STRBP: variants seen among roughly 807,000 people sequenced by gnomAD.
STRBP encodes the protein spermatid perinuclear RNA-binding protein.
In STRBP, 13 loss-of-function variants were observed where a neutral mutation model predicts 80.1. The observed-to-expected ratio is 0.16, with a 90% CI of 0.11 to 0.26. The LOEUF (loss-of-function observed/expected upper bound fraction) is 0.26, where lower values mean the gene tolerates loss of function less well. Among genes scored for constraint, STRBP ranks in the 10% least tolerant of loss-of-function variants. The pLI, the probability that STRBP is intolerant of heterozygous loss-of-function variation, is 1.00. For synonymous variants in STRBP, 284 were observed against 291.2 expected, an observed-to-expected ratio of 0.98 and a Z score of 0.25; for missense variants, 485 against 815.2, an observed-to-expected ratio of 0.59 and a Z score of 4.93.
chr9:123,230,298 C>T (rs1252498488), intron 2 of STRBP, among the ~76,000 whole-genome samples: 4 of 152,270 alleles, frequency 2.6e-5, no homozygotes, highest in East Asian at 1.9e-4. Flanking sequence ...TTCCAGTCTC[C>T]GAGCAGCAAC....
intron 2 of STRBP, among the ~76,000 whole-genome samples, chr9:123,204,923 C>CAAA (rs34576355): frequency 3.3e-4 from 18 of 54,498 alleles, no homozygotes; most frequent in African/African-American, 4.3e-4. Flanking sequence ...GACTCCATCT[C>CAAA]AAAAAAAAAA....
intron 3 of STRBP, chr9:123,111,861 C>A (rs141038695): frequency 8.4e-6 from 2 of 237,804 alleles, no homozygotes; most frequent in Non-Finnish European, 1.8e-5. Context: ...CAGCAAAATC[C>A]GAGAGGCACT....
intron 1 of STRBP, among the ~76,000 whole-genome samples, chr9:123,259,720 A>G (rs1352018683): frequency 6.6e-6 from 1 of 151,998 alleles, no homozygotes; most frequent in East Asian, 1.9e-4. Context: ...ACAAAACAAC[A>G]ACAACAACAA....
At chr9:123,215,091 G>C (rs2039851345) in intron 2 of STRBP, among the ~76,000 whole-genome samples, 1 of 151,812 alleles carries the variant, frequency 6.6e-6, no homozygotes, top group South Asian at 2.1e-4. Context: ...TAAAGAGATG[G>C]GCTCTTACTC....
chr9:123,223,598 T>C (rs1171660178), intron 2 of STRBP, among the ~76,000 whole-genome samples: 1 of 152,132 alleles, frequency 6.6e-6, no homozygotes, highest in Non-Finnish European at 1.5e-5. Flanking sequence ...ATACTAATGT[T>C]CAACAATCAG....
chr9:123,192,931 C>T (rs2038973932), intron 2 of STRBP, among the ~76,000 whole-genome samples: 1 of 152,186 alleles, frequency 6.6e-6, no homozygotes, highest in African/African-American at 2.4e-5. Flanking sequence ...ATTTCTCTCA[C>T]CACCACAGCT....
At chr9:123,255,544 CAT>C (rs1393043396) in intron 1 of STRBP, among the ~76,000 whole-genome samples, 1 of 152,174 alleles carries the variant, frequency 6.6e-6, no homozygotes, top group African/African-American at 2.4e-5. Flanking sequence ...ACTGAGAATA[CAT>C]AGTGTTTTTA....
intron 13 of STRBP, among the ~76,000 whole-genome samples, chr9:123,144,931 GTT>G (rs145194023): frequency 0.017 from 2,543 of 152,212 alleles, 68 homozygotes; most frequent in African/African-American, 0.058. Context: ...AGTAAGCAGA[GTT>G]TTTCAAATCT....
intron 14 of STRBP, among the ~76,000 whole-genome samples, chr9:123,137,350 A>G (rs530480861): frequency 6.6e-6 from 1 of 152,358 alleles, no homozygotes; most frequent in Admixed American, 6.5e-5. Flanking sequence ...ATTCCACCAC[A>G]CAAGAAATGC....
intron 13 of STRBP, among the ~76,000 whole-genome samples, chr9:123,146,546 A>G (rs1202822408): frequency 1.3e-5 from 2 of 150,070 alleles, no homozygotes; most frequent in East Asian, 3.9e-4. Flanking sequence ...AAAAATAAAC[A>G]GCAAAATAGA....
Position 123,136,158 on chromosome 9 carries a change from G to A in STRBP, c.1656C>T (p.Phe552=), listed in dbSNP as rs752218278. 7 of 1,614,180 alleles carry A rather than the reference G, an allele frequency of 4.3e-6. No individual in the cohort carries two copies. In the South Asian group the frequency reaches 5.5e-5, roughly 13 times the overall value. The change falls in exon 16 of 19, where the codon TTC becomes TTT. Residue 552 remains phenylalanine (F), a synonymous_variant. Transcript: ENST00000348403. This position sits in a 1 kb window ranked among gnomAD's most constrained non-coding sequence, Gnocchi z 4.2. ...CTTTCTTATTTGGACCTGCGCCTCT[G>A]AATTTCTGTCCATCTACTTCTACCT... The part of the protein sequence containing the change: ...VMEVEVDGQK[F]RGAGPNKKVA...
Position 123,128,253 on chromosome 9 carries a change from C to CAT in STRBP, c.1901_1902dup (p.Gly635MetfsTer26), listed in dbSNP as rs749237547. ...GCTGTGCTGTAACCATATGGTGTTC[C>CAT]ATAGCCTAGTGCAAAGAAGAAGAAG... On this transcript the variant is annotated frameshift_variant, in exon 18 of 19. Transcript: ENST00000348403. LOFTEE classifies it high-confidence loss of function. 6.2e-7 allele frequency: 1 copy of CAT among 1,614,146 alleles called. No individual in the cohort carries two copies.
intron 1 of STRBP, among the ~76,000 whole-genome samples, chr9:123,248,067 T>C (rs924202427): frequency 2.0e-5 from 3 of 152,174 alleles, no homozygotes; most frequent in Admixed American, 1.3e-4. Context: ...TATGAAGTCT[T>C]GAGTGGAGAT....
chr9:123,176,461 A>G (rs1433207400), intron 4 of STRBP, among the ~76,000 whole-genome samples: 1 of 152,238 alleles, frequency 6.6e-6, no homozygotes, highest in Admixed American at 6.5e-5. Context: ...GCCTTAAGCA[A>G]GTTAAAGTTT....
At chr9:123,210,562 G>C (rs1271687710) in intron 2 of STRBP, among the ~76,000 whole-genome samples, 3 of 152,206 alleles carry the variant, frequency 2.0e-5, no homozygotes, top group African/African-American at 7.2e-5. Context: ...GCCGGGCGCA[G>C]TGGCTCACGC....
At chr9:123,244,385 T>A (rs1588149948) in intron 1 of STRBP, among the ~76,000 whole-genome samples, 1 of 152,192 alleles carries the variant, frequency 6.6e-6, no homozygotes. Context: ...TGGACACATG[T>A]CATTTTACAT....
In STRBP at chr9:123,115,262, C is replaced by T. The variant is rs2035627772; in HGVS notation, c.*84+667G>A. On this transcript the variant is annotated intron_variant and NMD_transcript_variant, in intron 3 of 3. Transcript: ENST00000471564. The surrounding 1 kb of genome is among the most constrained non-coding windows in gnomAD (Gnocchi z 5.0). ...CCCCTCCTGGGGATCCCGTCTGGCTCAGTGGGAAGCCTATCGCTCTTGGTA... is the reference window on the plus strand; with the variant it reads ...CCCCTCCTGGGGATCCCGTCTGGCTTAGTGGGAAGCCTATCGCTCTTGGTA... 2.1e-6 allele frequency: 1 copy of T among 471,088 alleles called. No individual in the cohort carries two copies. Among genetic ancestry groups the T allele is most frequent in the African/African-American group, 2.0e-5 (1 of 50,094 alleles). 29.2% of individuals were successfully genotyped at this position (471,088 alleles called of 1,614,324 possible).
At chr9:123,180,978 A>G (rs1434251402) in intron 3 of STRBP, 22 of 965,486 alleles carry the variant, frequency 2.3e-5, no homozygotes, top group Non-Finnish European at 2.6e-5. Context: ...TTGTTTATCT[A>G]TGTTTAAAAA....
At chr9:123,188,933 C>T (rs1033850123) in intron 2 of STRBP, among the ~76,000 whole-genome samples, 1 of 151,948 alleles carries the variant, frequency 6.6e-6, no homozygotes, top group Non-Finnish European at 1.5e-5. Context: ...ATGAAAGAAC[C>T]ACCGCACATC....
Sources: allele counts gnomAD v4.1 joint callset (sites outside exome capture counted in the v4.1 genomes callset), GRCh38; gene constraint gnomAD v4.1.1; non-coding constraint Gnocchi (gnomAD v3.1); transcripts MANE v1.5; gene names NCBI Gene and HGNC (gene_info 2026-07-23, HGNC 2026-07-21).